Variants in DNAH8 observed in about 807,000 individuals in gnomAD.
DNAH8 encodes the protein dynein axonemal heavy chain 8.
In DNAH8, 382 loss-of-function variants were observed where a neutral mutation model predicts 562.1. The ratio of observed to expected loss-of-function variants is 0.68; its 90% CI spans 0.63 to 0.74. The LOEUF (loss-of-function observed/expected upper bound fraction) is 0.74, where lower values mean the gene tolerates loss of function less well. Ranked by LOEUF, DNAH8 falls within the 30% of genes least tolerant of loss-of-function variation. The pLI is 0.00. For missense variants in DNAH8, 5,203 were observed against 5,620.4 expected, an observed-to-expected ratio of 0.93 and a Z score of 2.37; for synonymous variants, 1,881 against 1,919.4, an observed-to-expected ratio of 0.98 and a Z score of 0.52.
At chr6:38,851,550 A>G (rs753165301) in intron 38 of DNAH8, 22 bp from the exon 39 acceptor site, 1 of 1,499,046 alleles carries the variant, frequency 6.7e-7, no homozygotes, top group Non-Finnish European at 9.2e-7. Context: ...ACTTGGTAAC[A>G]TACTGTCGAC....
At chr6:38,937,320 G>A (rs1561886940) in intron 77 of DNAH8, among the ~76,000 whole-genome samples, 1 of 151,584 alleles carries the variant, frequency 6.6e-6, no homozygotes, top group Non-Finnish European at 1.5e-5. Flanking sequence ...AAACCTGCAC[G>A]TTCTGCATGT....
intron 58 of DNAH8, among the ~76,000 whole-genome samples, chr6:38,891,888 G>C (rs973888490): frequency 7.2e-5 from 11 of 152,028 alleles, no homozygotes; most frequent in Admixed American, 4.6e-4. Flanking sequence ...AATCCATTCT[G>C]CACAAGCTTT....
intron 75 of DNAH8, chr6:38,931,274 G>C (rs1436399300): frequency 6.6e-6 from 1 of 152,174 alleles, no homozygotes; most frequent in Non-Finnish European, 1.5e-5. Context: ...GCTGCAAATA[G>C]TAGTGTTGAA....
intron 92 of DNAH8, among the ~76,000 whole-genome samples, chr6:39,027,696 A>G (rs1767388136): frequency 6.6e-6 from 1 of 151,940 alleles, no homozygotes; most frequent in South Asian, 2.1e-4. Flanking sequence ...GGGTGGTGGC[A>G]GGCTGTAATG....
In DNAH8 at chr6:38,768,280, T is replaced by G. The variant is rs542885684; in HGVS notation, c.1618-2133T>G. On this transcript the variant is annotated intron_variant, in intron 11 of 92. Coordinates refer to ENST00000327475, the MANE Select transcript of DNAH8 (RefSeq NM_001206927.2). ...TTGTCTATTTATTTATTTTGCTTGT[T>G]CGTTTTGAGACAAAGCCTCACTCTG... Among the ~76,000 whole-genome samples the G allele has an allele frequency of 5.5e-4, 84 of 152,306 alleles. 1 individual carries two copies. The South Asian group carries it at 0.017, about 30-fold the overall frequency.
chr6:38,848,471 G>A (rs943298889), intron 36 of DNAH8, among the ~76,000 whole-genome samples, 177 bp from the exon 37 acceptor site: 2 of 152,128 alleles, frequency 1.3e-5, no homozygotes, highest in Non-Finnish European at 2.9e-5. Flanking sequence ...AGTTATATGA[G>A]TTTTATTCAT....
chr6:38,917,813 T>A (rs1781424414), intron 69 of DNAH8, 112 bp from the exon 70 acceptor site: 1 of 791,752 alleles, frequency 1.3e-6, no homozygotes, highest in Admixed American at 2.9e-5. Context: ...ATTTGTGTAT[T>A]TAGAGCAAAT....
At chr6:38,742,028 C>G in intron 8 of DNAH8, 141 bp downstream of exon 8, 1 of 588,754 alleles carries the variant, frequency 1.7e-6, no homozygotes, top group Non-Finnish European at 2.7e-6. Flanking sequence ...ACATATATCA[C>G]AGTTATTTCC....
intron 5 of DNAH8, 28 bp from the exon 6 acceptor site, chr6:38,737,039 A>G: frequency 1.4e-6 from 2 of 1,477,530 alleles, no homozygotes; most frequent in South Asian, 1.5e-5. Flanking sequence ...TTAGCATGTA[A>G]AATAACATTT....
At chr6:38,770,823 A>G (rs1022980891) in intron 12 of DNAH8, among the ~76,000 whole-genome samples, 1 of 152,174 alleles carries the variant, frequency 6.6e-6, no homozygotes, top group Non-Finnish European at 1.5e-5. Context: ...TGAAACTTCA[A>G]CTTAAAAGGC....
chr6:38,949,412 A>G, intron 80 of DNAH8, 40 bp from the exon 81 acceptor site: 1 of 1,208,670 alleles, frequency 8.3e-7, no homozygotes, highest in Non-Finnish European at 1.2e-6. Flanking sequence ...TTCCACTTAC[A>G]TATAGTTCTG....
intron 1 of DNAH8, among the ~76,000 whole-genome samples, chr6:38,721,759 T>C (rs887662645): frequency 1.3e-5 from 2 of 152,184 alleles, no homozygotes; most frequent in Non-Finnish European, 2.9e-5. Flanking sequence ...AGAGCAGTTG[T>C]GGGGCATAGG....
At position 38,795,869 on chromosome 6, in the gene DNAH8, C is replaced by T. The variant is rs541432388; in HGVS notation, c.2901+4195C>T. 9.7e-4 allele frequency among the ~76,000 whole-genome samples: 147 copies of T among 152,270 alleles called. 4 individuals carry two copies. The highest frequency in any genetic ancestry group is 6.6e-4 in the Non-Finnish European group (45 of 68,022). ...GTTGGTTTGGGCCAAACTGTGGTTTCAGATCGTATTTGGGAATCAGGGCTA... is the reference window on the plus strand; with the variant it reads ...GTTGGTTTGGGCCAAACTGTGGTTTTAGATCGTATTTGGGAATCAGGGCTA... On this transcript the variant is annotated intron_variant, in intron 21 of 92. Transcript: ENST00000327475.
chr6:38,762,539 T>C (rs1486780461), intron 11 of DNAH8, among the ~76,000 whole-genome samples: 1 of 152,236 alleles, frequency 6.6e-6, no homozygotes, highest in African/African-American at 2.4e-5. Context: ...TTTTCCTTTC[T>C]TATGCTGACC....
chr6:38,924,510 C>G (rs78602369), intron 73 of DNAH8, among the ~76,000 whole-genome samples: 1,949 of 150,860 alleles, frequency 0.013, 35 homozygotes, highest in Middle Eastern at 0.037. Context: ...ATCCCCCCCC[C>G]AAAAAAAAGA....
chr6:38,815,405 T>G (rs1583077862), intron 25 of DNAH8, 63 bp from the exon 26 acceptor site: 5 of 1,364,250 alleles, frequency 3.7e-6, no homozygotes, highest in South Asian at 2.7e-5. Flanking sequence ...ATGGAGGTGG[T>G]GAAAATTGAG....
intron 8 of DNAH8, among the ~76,000 whole-genome samples, chr6:38,743,721 G>A (rs974401829): frequency 6.6e-6 from 1 of 152,126 alleles, no homozygotes; most frequent in Non-Finnish European, 1.5e-5. Context: ...TCCTTTTTAT[G>A]GCTGAATCAT....
chr6:38,732,656 A>G (rs60289287), intron 4 of DNAH8, among the ~76,000 whole-genome samples: 2,421 of 152,280 alleles, frequency 0.016, 48 homozygotes, highest in South Asian at 0.1. Context: ...TTTAGGATTC[A>G]TCAGTAGACT....
At chr6:38,753,467 C>T (rs902248497) in intron 9 of DNAH8, among the ~76,000 whole-genome samples, 3 of 152,084 alleles carry the variant, frequency 2.0e-5, no homozygotes, top group Admixed American at 6.6e-5. Context: ...CCAGGGCTAC[C>T]GCAAGTAGCT....
Sources: gnomAD v4.1 joint callset for allele counts (sites outside exome capture counted in the v4.1 genomes callset) on GRCh38, gnomAD v4.1.1 for gene constraint, MANE v1.5 for transcripts, NCBI Gene and HGNC (gene_info 2026-07-23, HGNC 2026-07-21) for gene names.